TBC1D2B: variants seen among roughly 807,000 people sequenced by gnomAD.
The protein encoded by TBC1D2B is TBC1 domain family member 2B.
In TBC1D2B, 64 loss-of-function variants were observed where a neutral mutation model predicts 100.8. The ratio of observed to expected loss-of-function variants is 0.64; its 90% confidence interval spans 0.52 to 0.78. The LOEUF (loss-of-function observed/expected upper bound fraction) is 0.78, where lower values mean the gene tolerates loss of function less well. Among genes scored for constraint, TBC1D2B ranks in the 30% least tolerant of loss-of-function variants. The probability of loss-of-function intolerance (pLI) is 0.00; values close to 1 mark genes in which losing one functional copy is unlikely to be tolerated. For synonymous variants in TBC1D2B, 480 were observed against 479.7 expected (o/e 1.00, Z -0.01); for missense variants, 1,052 against 1,218.4 (o/e 0.86, Z 2.03).
In TBC1D2B at chr15:78,025,407, T is replaced by C; in HGVS notation, c.938A>G (p.Asn313Ser). 6.2e-7 allele frequency: 1 copy of C among 1,614,030 alleles called. No homozygotes were observed. Among genetic ancestry groups the C allele is most frequent in the Non-Finnish European group, 8.5e-7 (1 of 1,179,894 alleles). Residue 313 changes from asparagine (N) to serine (S), a missense_variant, in exon 5 of 13, where the codon AAT (asparagine) becomes AGT (serine). Physicochemically the swap from Asn to Ser is conservative, Grantham distance 46. Transcript: ENST00000300584. The part of the protein sequence containing the change: ...PLKDIIGSYK[N>S]RHSSGDPSSE... ...TGAAGGGTCACCACTGCTGTGACGA[T>C]TTTTGTACGACCCAATTATGTCTTT...
rs762817054 is a variant in TBC1D2B, at chr15:78,013,122, G to C, written c.1971C>G (p.Asn657Lys). 2 of 1,613,868 alleles carry C rather than the reference G, an allele frequency of 1.2e-6. No individual in the cohort carries two copies. Among genetic ancestry groups the C allele is most frequent in the Admixed American group, 1.7e-5 (1 of 60,004 alleles). Residue 657 changes from asparagine (N) to lysine (K), a missense_variant, in exon 9 of 13, where the codon AAC (asparagine) becomes AAG (lysine). Coordinates refer to ENST00000300584, the MANE Select transcript of TBC1D2B (RefSeq NM_144572.2). ...CGTGGGGAATGCCCGCACGGATGAG[G>C]TTTTTTAACTCTGGAGAGCACATCA... ...REMMCSPELKNLIRAGIPHEH... is the reference protein window; with the variant it reads ...REMMCSPELKKLIRAGIPHEH...
In TBC1D2B at chr15:78,025,493, T is replaced by A. The variant is rs527684278; in HGVS notation, c.852A>T (p.Val284=). The A allele has an allele frequency of 1.3e-6, 2 of 1,586,220 alleles. No individual in the cohort carries two copies. The highest frequency in any genetic ancestry group is 4.5e-5 in the East Asian group (2 of 44,488). ...AATCAAAGGGGAATCCTGAGCCAGT[T>A]ACTCCTACATAAAAATAAAACTTGT... The part of the protein sequence containing the change: ...KKLTPEGNKG[V]TGSGFPFDFG... Residue 284 remains valine (V), a synonymous_variant, in exon 5 of 13, where the codon GTA becomes GTT. Transcript: ENST00000300584.
At chr15:78,074,735 A>G (rs1170386954) in intron 1 of TBC1D2B, among the ~76,000 whole-genome samples, 3 of 152,198 alleles carry the variant, frequency 2.0e-5, no homozygotes, top group Non-Finnish European at 1.5e-5. Context: ...GTTTCACATG[A>G]TCTTCCTAAC....
intron 3 of TBC1D2B, among the ~76,000 whole-genome samples, chr15:78,035,999 G>A (rs2072936722): frequency 6.6e-6 from 1 of 152,226 alleles, no homozygotes; most frequent in African/African-American, 2.4e-5. Context: ...TTTGGTGCAA[G>A]TGGGCCTCAT....
At chr15:78,009,164 A>G (rs1354847830) in intron 9 of TBC1D2B, 50 bp from the exon 10 acceptor site, 1 of 1,329,524 alleles carries the variant, frequency 7.5e-7, no homozygotes, top group Non-Finnish European at 1.1e-6. Flanking sequence ...GACAGCTGCT[A>G]CTACAGTCTC....
chr15:78,013,647 T>C lies in TBC1D2B; in HGVS notation c.1776-330A>G, dbSNP rs78067301. Among the ~76,000 whole-genome samples, 342 of 152,318 alleles carry C rather than the reference T, an allele frequency of 2.2e-3. 3 individuals carry two copies. The East Asian group carries it at 0.035, about 15-fold the overall frequency. On this transcript the variant is annotated intron_variant, in intron 8 of 12. Transcript: ENST00000300584. ...AACAAGATTGATAAATTTGGCTACA[T>C]TAATATATGTGTATGTTTCTTTATC...
At chr15:78,060,130 C>T (rs1381636052) in intron 1 of TBC1D2B, among the ~76,000 whole-genome samples, 1 of 152,190 alleles carries the variant, frequency 6.6e-6, no homozygotes, top group Non-Finnish European at 1.5e-5. Flanking sequence ...ACACCATGTA[C>T]ATAAAGTGTT....
rs745831492 is a variant in TBC1D2B at position 78,077,569 on chromosome 15, C to A, written c.84G>T (p.Ala28=). The A allele has an allele frequency of 5.7e-6, 8 of 1,404,952 alleles. No individual in the cohort carries two copies. Among genetic ancestry groups the A allele is most frequent in the Non-Finnish European group, 7.4e-6 (8 of 1,073,844 alleles). The allele number at this position is 1,404,952 out of a possible 1,614,324, so 87.0% of individuals were successfully genotyped here. A position where few individuals can be genotyped will look rare whatever the true frequency, so the allele number is the denominator to read the frequency against. The change falls in exon 1 of 13, where the codon GCG becomes GCT. Residue 28 remains alanine, a synonymous_variant. Transcript: ENST00000300584. Reference sequence around the variant, plus strand: ...GCCGCGCTGGCTCCCGCGCCGGACCCGCCCCGGGCTCCGCGGCCGCCCCCT... The same window carrying A: ...GCCGCGCTGGCTCCCGCGCCGGACCAGCCCCGGGCTCCGCGGCCGCCCCCT... ...AAQGAAAEPG[A]GPAREPARLC... is the part of the protein sequence containing the mutation.
intron 8 of TBC1D2B, among the ~76,000 whole-genome samples, chr15:78,015,910 T>G (rs940226113): frequency 1.2e-4 from 18 of 152,056 alleles, no homozygotes; most frequent in Admixed American, 1.2e-3. Context: ...CATGTCAAAC[T>G]GAAGCAAGGC....
Position 78,003,398 on chromosome 15 carries a change from G to A in TBC1D2B, c.2481C>T (p.Ile827=). The part of the protein sequence containing the change: ...FEQYKVDYTL[I]TFNWFLVVFV... ...ATACCACCAGAAACCAGTTGAAAGT[G>A]ATGAGAGTGTAGTCGACTTTGTACT... is the stretch of plus-strand genomic sequence containing the variant. Residue 827 remains isoleucine (I), a synonymous_variant, in exon 11 of 13, where the codon ATC becomes ATT. Transcript: ENST00000300584. The A allele has an allele frequency of 6.2e-7, 1 of 1,613,902 alleles. No homozygotes were observed. Among genetic ancestry groups the A allele is most frequent in the Non-Finnish European group, 8.5e-7 (1 of 1,179,822 alleles).
At chr15:78,003,625 G>A in intron 10 of TBC1D2B, 135 bp from the exon 11 acceptor site, 1 of 640,952 alleles carries the variant, frequency 1.6e-6, no homozygotes, top group Admixed American at 2.8e-5. Flanking sequence ...ATGCACCGTG[G>A]GGCCCATCAC....
intron 3 of TBC1D2B, among the ~76,000 whole-genome samples, chr15:78,033,592 G>T (rs932654922): frequency 6.6e-6 from 1 of 152,170 alleles, no homozygotes; most frequent in Non-Finnish European, 1.5e-5. Flanking sequence ...TGTTTACATC[G>T]CTGTGTATAA....
chr15:78,010,491 C>G (rs2141649069), intron 9 of TBC1D2B, among the ~76,000 whole-genome samples: 1 of 152,204 alleles, frequency 6.6e-6, no homozygotes, highest in East Asian at 1.9e-4. Flanking sequence ...ATAATGAACT[C>G]ATCTCAAATT....
In TBC1D2B at chr15:78,056,927, G is replaced by A. The variant is rs561690770; in HGVS notation, c.361-2740C>T. ...CACAGGTGAGCTAAGCACCCTGGGAGCCTTCTGCTCCAGCCAGGGAGGTGC... is the reference window on the plus strand; with the variant it reads ...CACAGGTGAGCTAAGCACCCTGGGAACCTTCTGCTCCAGCCAGGGAGGTGC... On this transcript the variant is annotated intron_variant, in intron 1 of 12. Coordinates refer to ENST00000300584, the MANE Select transcript of TBC1D2B (RefSeq NM_144572.2). Among the ~76,000 whole-genome samples, 9 of 152,248 alleles carry A rather than the reference G, an allele frequency of 5.9e-5. 1 individual carries two copies. The South Asian group carries it at 1.9e-3, about 32-fold the overall frequency.
intron 3 of TBC1D2B, among the ~76,000 whole-genome samples, chr15:78,033,686 A>G (rs2072875060): frequency 1.3e-5 from 2 of 152,248 alleles, no homozygotes; most frequent in Admixed American, 6.5e-5. Context: ...ATTAAAATAA[A>G]CATGCAAATA....
intron 8 of TBC1D2B, among the ~76,000 whole-genome samples, chr15:78,016,135 T>G (rs1406027532): frequency 2.6e-5 from 4 of 152,092 alleles, no homozygotes; most frequent in Non-Finnish European, 4.4e-5. Flanking sequence ...GCTTCCAGAT[T>G]TAGTGCTTTC....
intron 12 of TBC1D2B, chr15:77,999,243 G>A (rs2071847292): frequency 2.2e-6 from 1 of 451,236 alleles, no homozygotes; most frequent in Non-Finnish European, 4.5e-6. Flanking sequence ...GAAAAGCTGT[G>A]ATGAAACAGA....
At chr15:78,041,101 G>T (rs11072725) in intron 3 of TBC1D2B, among the ~76,000 whole-genome samples, 1 of 152,140 alleles carries the variant, frequency 6.6e-6, no homozygotes, top group Non-Finnish European at 1.5e-5. Context: ...ATCTTACAGG[G>T]TTTTAAGTTT....
intron 2 of TBC1D2B, among the ~76,000 whole-genome samples, chr15:78,051,731 G>A (rs1339678484): frequency 1.3e-5 from 2 of 152,182 alleles, no homozygotes; most frequent in African/African-American, 4.8e-5. Flanking sequence ...AGGCTAAGCT[G>A]AGCAGATAAC....
Sources: gnomAD v4.1 joint callset for allele counts (sites outside exome capture counted in the v4.1 genomes callset) on GRCh38, gnomAD v4.1.1 for gene constraint, MANE v1.5 for transcripts, NCBI Gene and HGNC (gene_info 2026-07-23, HGNC 2026-07-21) for gene names.